The following ANKFY1 variants were observed in gnomAD, a reference collection of about 807,000 sequenced individuals.
ANKFY1 encodes ankyrin repeat and FYVE domain-containing protein 1.
In ANKFY1, 47 loss-of-function variants were observed where a neutral mutation model predicts 128.3. The ratio of observed to expected loss-of-function variants is 0.37; its 90% confidence interval spans 0.29 to 0.47. ANKFY1 has a LOEUF of 0.47. Among genes scored for constraint, ANKFY1 ranks in the 20% least tolerant of loss-of-function variants. ANKFY1 has a pLI of 1.00. For missense variants in ANKFY1, 1,222 were observed against 1,510.6 expected (o/e 0.81, Z 3.17); for synonymous variants, 553 against 601.6 (o/e 0.92, Z 1.18).
chr17:4,178,020 T>TCA lies in ANKFY1; in HGVS notation c.2599-720_2599-719dup. 6.6e-6 allele frequency: 1 copy of TCA among 152,630 alleles called. No individual in the cohort carries two copies. The highest frequency in any genetic ancestry group is 2.1e-4 in the South Asian group (1 of 4,834). 9.5% of individuals were successfully genotyped at this position (152,630 alleles called of 1,614,324 possible). Reference sequence around the variant, plus strand: ...ACGTCACACACGGCACGTGCCAGTCTCATAAGCAGCGGATCCACAAAGCGC... The same window carrying TCA: ...ACGTCACACACGGCACGTGCCAGTCTCACATAAGCAGCGGATCCACAAAGCGC... On this transcript the variant is annotated intron_variant, in intron 18 of 24. Transcript: ENST00000341657. The surrounding 1 kb of genome is among the most constrained non-coding windows in gnomAD (Gnocchi z 4.1).
chr17:4,227,578 CATT>C (rs1282048241), intron 3 of ANKFY1, among the ~76,000 whole-genome samples: 2 of 152,150 alleles, frequency 1.3e-5, no homozygotes, highest in African/African-American at 4.8e-5. Flanking sequence ...TAAAAGATCT[CATT>C]GTTTCTCCCT....
rs1400908955 is a variant in ANKFY1, at chr17:4,167,930, G to A, written c.3378-19C>T. On this transcript the variant is annotated intron_variant, in intron 24 of 24. Coordinates refer to ENST00000341657, the MANE Select transcript of ANKFY1 (RefSeq NM_001330063.2). This position sits in a 1 kb window ranked among gnomAD's most constrained non-coding sequence, Gnocchi z 4.1. ...GTGACGACTGTGGAAGCAAAGAAAG[G>A]AAGTATGAGAGGAGCGCCAACGACA... 1.2e-6 allele frequency: 2 copies of A among 1,610,256 alleles called. No homozygotes were observed. Among genetic ancestry groups the A allele is most frequent in the Non-Finnish European group, 1.7e-6 (2 of 1,177,942 alleles).
Position 4,174,720 on chromosome 17 carries a change from G to A in ANKFY1, c.2776-664C>T, listed in dbSNP as rs555016568. On this transcript the variant is annotated intron_variant, in intron 19 of 24. Transcript: ENST00000341657. The stretch of plus-strand genomic sequence containing the variant: ...AATGAGTATGTACTATTTCACTATT[G>A]TTTTCTATTTATTATTTCTTGAGAC... Among the ~76,000 whole-genome samples the A allele has an allele frequency of 1.6e-3, 250 of 151,996 alleles. 1 individual carries two copies. Among genetic ancestry groups the A allele is most frequent in the African/African-American group, 5.6e-3 (234 of 41,510 alleles).
chr17:4,172,510 C>A (rs750113523), intron 22 of ANKFY1, 46 bp downstream of exon 22: 5 of 1,587,512 alleles, frequency 3.1e-6, no homozygotes, highest in South Asian at 1.1e-5. Flanking sequence ...TTCCAGGAAG[C>A]AAGGTGCGCA....
In ANKFY1 at chr17:4,189,416, G is replaced by A. The variant is rs1323352318; in HGVS notation, c.1436C>T (p.Thr479Ile). ...GNEAAALFLA[T>I]NGAHVNHRNK... Reference sequence around the variant, plus strand: ...TCTGTGGTTGACATGGGCACCGTTGGTTGCCAGGAAAAGAGCTGCTGCCTC... The same window carrying A: ...TCTGTGGTTGACATGGGCACCGTTGATTGCCAGGAAAAGAGCTGCTGCCTC... Residue 479 changes from threonine to isoleucine, a missense_variant, in exon 11 of 25, where the codon ACC (threonine) becomes ATC (isoleucine). Thr to Ile is a moderately conservative substitution (Grantham distance 89, BLOSUM62 -1). Coordinates refer to ENST00000341657, the MANE Select transcript of ANKFY1 (RefSeq NM_001330063.2). 1 of 1,592,386 alleles carries A rather than the reference G, an allele frequency of 6.3e-7. No homozygotes were observed. Among genetic ancestry groups the A allele is most frequent in the Non-Finnish European group, 8.6e-7 (1 of 1,166,780 alleles).
At chr17:4,182,463 C>T (rs1016218409) in intron 14 of ANKFY1, 114 bp from the exon 15 acceptor site, 5 of 753,856 alleles carry the variant, frequency 6.6e-6, no homozygotes, top group African/African-American at 5.4e-5. Flanking sequence ...TATTCACTCA[C>T]AATCATTCAA....
intron 1 of ANKFY1, among the ~76,000 whole-genome samples, chr17:4,250,789 G>A (rs928290403): frequency 4.6e-5 from 7 of 152,068 alleles, no homozygotes; most frequent in Non-Finnish European, 1.0e-4. Context: ...CTACAGGTGA[G>A]CACCACCACA....
chr17:4,196,196 G>A (rs1232093644), intron 8 of ANKFY1, among the ~76,000 whole-genome samples: 1 of 142,116 alleles, frequency 7.0e-6, no homozygotes, highest in African/African-American at 2.6e-5. Context: ...CACACACTGC[G>A]AGTTTATTGC....
At chr17:4,258,844 TG>T (rs1442012153) in intron 1 of ANKFY1, among the ~76,000 whole-genome samples, 1 of 152,216 alleles carries the variant, frequency 6.6e-6, no homozygotes, top group Non-Finnish European at 1.5e-5. Context: ...CCATTTTGCT[TG>T]GGTTGTTGTC....
chr17:4,224,641 T>C (rs80233650), intron 3 of ANKFY1, among the ~76,000 whole-genome samples: 1,627 of 148,488 alleles, frequency 0.011, 29 homozygotes, highest in African/African-American at 0.038. Context: ...AGAAGCAAAC[T>C]GCCCTTGCAT....
chr17:4,170,826 A>T lies in ANKFY1; in HGVS notation c.3175T>A (p.Leu1059Met). 1 of 1,614,142 alleles carries T rather than the reference A, an allele frequency of 6.2e-7. No homozygotes were observed. The highest frequency in any genetic ancestry group is 8.5e-7 in the Non-Finnish European group (1 of 1,180,016). Reference protein sequence around the residue: ...LLAYMKGNANLCRAIVRSGAR... With the variant: ...LLAYMKGNANMCRAIVRSGAR... The stretch of plus-strand genomic sequence containing the variant: ...CCCGACCGGACGATGGCGCGGCACA[A>T]GTTGGCGTTCCCTTTCATGTATGCC... The change falls in exon 23 of 25, where the codon TTG becomes ATG. Residue 1059 changes from leucine (L) to methionine (M), a missense_variant. Leu to Met is a conservative substitution (Grantham distance 15, BLOSUM62 2). Coordinates refer to ENST00000341657, the MANE Select transcript of ANKFY1 (RefSeq NM_001330063.2).
At chr17:4,213,766 G>A (rs1315609200) in intron 4 of ANKFY1, among the ~76,000 whole-genome samples, 1 of 151,832 alleles carries the variant, frequency 6.6e-6, no homozygotes, top group Non-Finnish European at 1.5e-5. Context: ...GTAGAGATGA[G>A]GTTTCACCAT....
chr17:4,212,529 C>T (rs1277414991), intron 4 of ANKFY1, among the ~76,000 whole-genome samples: 1 of 152,192 alleles, frequency 6.6e-6, no homozygotes, highest in African/African-American at 2.4e-5. Flanking sequence ...CTCTACTAGC[C>T]GTTCTCGTCT....
chr17:4,167,528 A>G lies in ANKFY1; in HGVS notation c.*251T>C. ...AGAGGTCTAATTCCTAATCACATTT[A>G]CCACTTAGGCCCAATGGCCTGGTCT... On this transcript the variant is annotated 3_prime_UTR_variant, in exon 25 of 25. Coordinates refer to ENST00000341657, the MANE Select transcript of ANKFY1 (RefSeq NM_001330063.2). The surrounding 1 kb of genome is among the most constrained non-coding windows in gnomAD (Gnocchi z 4.1). 1 of 363,430 alleles carries G rather than the reference A, an allele frequency of 2.8e-6. No individual in the cohort carries two copies. Among genetic ancestry groups the G allele is most frequent in the South Asian group, 1.0e-4 (1 of 9,526 alleles). The allele number at this position is 363,430 out of a possible 1,614,324, so 22.5% of individuals were successfully genotyped here.
chr17:4,223,193 C>CA, intron 3 of ANKFY1: 1 of 797,198 alleles, frequency 1.3e-6, no homozygotes. Flanking sequence ...GCAAAGTCTT[C>CA]ATCACAGAAA....
intron 10 of ANKFY1, among the ~76,000 whole-genome samples, chr17:4,194,103 ATTT>A (rs796921017): frequency 9.2e-6 from 1 of 108,186 alleles, no homozygotes; most frequent in South Asian, 2.6e-4. Flanking sequence ...ATATATATAT[ATTT>A]TTTTTTTTTT....
intron 4 of ANKFY1, among the ~76,000 whole-genome samples, chr17:4,212,810 C>T (rs1280606969): frequency 3.5e-5 from 5 of 141,564 alleles, no homozygotes; most frequent in African/African-American, 1.3e-4. Context: ...CTACCTTTGT[C>T]GCCAGGCTGG....
intron 23 of ANKFY1, among the ~76,000 whole-genome samples, chr17:4,170,366 T>C (rs2059294080): frequency 6.6e-6 from 1 of 152,122 alleles, no homozygotes; most frequent in Non-Finnish European, 1.5e-5. Context: ...CAGCAGGCCA[T>C]TTTGAAGGTT....
Position 4,164,277 on chromosome 17 carries a change from T to C in ANKFY1, c.*3502A>G, listed in dbSNP as rs1284888987. ...TTGTAACAGGTTAATATATTATTTA[T>C]GCCACACAAAAAAGGAATAGTACAG... On this transcript the variant is annotated 3_prime_UTR_variant, in exon 25 of 25. Coordinates refer to ENST00000341657, the MANE Select transcript of ANKFY1 (RefSeq NM_001330063.2). 6.5e-6 allele frequency: 1 copy of C among 152,696 alleles called. No individual in the cohort carries two copies. The highest frequency in any genetic ancestry group is 1.5e-5 in the Non-Finnish European group (1 of 68,056). 9.5% of individuals were successfully genotyped at this position (152,696 alleles called of 1,614,324 possible). A position where few individuals can be genotyped will look rare whatever the true frequency, so the allele number is the denominator to read the frequency against.
Sources: gnomAD v4.1 joint callset for allele counts (sites outside exome capture counted in the v4.1 genomes callset) on GRCh38, gnomAD v4.1.1 for gene constraint, Gnocchi (gnomAD v3.1) non-coding constraint, MANE v1.5 for transcripts, NCBI Gene and HGNC (gene_info 2026-07-23, HGNC 2026-07-21) for gene names.